SUPT3H: variants seen among roughly 807,000 people sequenced by gnomAD.
SUPT3H encodes the protein SPT3 homolog, SAGA and STAGA complex component.
In SUPT3H, 44 loss-of-function variants were observed where a neutral mutation model predicts 44.3. The observed-to-expected ratio is 0.99, with a 90% CI of 0.78 to 1.28. The LOEUF (loss-of-function observed/expected upper bound fraction) is 1.28, where lower values mean the gene tolerates loss of function less well. Ranked by LOEUF, SUPT3H falls within the 50% of genes most tolerant of loss-of-function variation. The probability of loss-of-function intolerance (pLI) is 0.00; values close to 1 mark genes in which losing one functional copy is unlikely to be tolerated. For missense variants in SUPT3H, 380 were observed against 387.1 expected (o/e 0.98, Z 0.15); for synonymous variants, 124 against 125.6 (o/e 0.99, Z 0.09).
At chr6:45,015,979 TG>T (rs1183658939) in intron 4 of SUPT3H, among the ~76,000 whole-genome samples, 2 of 152,086 alleles carry the variant, frequency 1.3e-5, no homozygotes, top group African/African-American at 4.8e-5. Context: ...CAACCTCAGG[TG>T]GTTCACAGTT....
chr6:45,198,528 T>C (rs145433993), intron 2 of SUPT3H, among the ~76,000 whole-genome samples: 2 of 151,490 alleles, frequency 1.3e-5, no homozygotes, highest in Admixed American at 1.3e-4. Context: ...TCCCAATACA[T>C]TAATTTGCTG....
At chr6:45,232,834 G>A (rs964411699) in intron 2 of SUPT3H, among the ~76,000 whole-genome samples, 15 of 152,138 alleles carry the variant, frequency 9.9e-5, no homozygotes, top group African/African-American at 2.9e-4. Flanking sequence ...CACTGCCAGT[G>A]AGGGTGCCGT....
At chr6:45,127,182 CGT>C (rs1399434997) in intron 2 of SUPT3H, among the ~76,000 whole-genome samples, 2 of 151,992 alleles carry the variant, frequency 1.3e-5, no homozygotes, top group East Asian at 3.9e-4. Context: ...GGTGCAGTGG[CGT>C]GTGTCTGTAA....
intron 3 of SUPT3H, among the ~76,000 whole-genome samples, chr6:45,024,598 T>G (rs2153520322): frequency 6.6e-6 from 1 of 152,352 alleles, no homozygotes; most frequent in East Asian, 1.9e-4. Flanking sequence ...ATTCTACATT[T>G]AGGCTCCAAT....
intron 2 of SUPT3H, among the ~76,000 whole-genome samples, chr6:45,113,470 C>T (rs1249901028): frequency 6.6e-6 from 1 of 152,116 alleles, no homozygotes; most frequent in Non-Finnish European, 1.5e-5. Flanking sequence ...TTTTACCCAC[C>T]TGTTTTCAAA....
intron 2 of SUPT3H, among the ~76,000 whole-genome samples, chr6:45,293,411 G>A (rs1011491348): frequency 6.6e-6 from 1 of 151,926 alleles, no homozygotes; most frequent in African/African-American, 2.4e-5. Flanking sequence ...GACAATCTAA[G>A]GTCACACCTC....
At chr6:44,825,074 G>C (rs1272135562), downstream of SUPT3H, among the ~76,000 whole-genome samples, 2 of 152,228 alleles carry the variant, frequency 1.3e-5, no homozygotes, top group African/African-American at 4.8e-5. Context: ...GCGTGAAACG[G>C]TAGCCTGTAA....
At chr6:45,188,059 A>G (rs539148287) in intron 2 of SUPT3H, among the ~76,000 whole-genome samples, 31 of 152,244 alleles carry the variant, frequency 2.0e-4, no homozygotes, top group Non-Finnish European at 3.8e-4. Context: ...ACACACTTCT[A>G]TAGGCTACCT....
intron 2 of SUPT3H, among the ~76,000 whole-genome samples, chr6:45,207,640 C>T (rs1209589625): frequency 6.6e-6 from 1 of 152,152 alleles, no homozygotes; most frequent in Non-Finnish European, 1.5e-5. Flanking sequence ...TTTGATAATT[C>T]TCACAACATT....
intron 2 of SUPT3H, among the ~76,000 whole-genome samples, chr6:45,247,789 C>T (rs974416868): frequency 2.0e-5 from 3 of 146,342 alleles, no homozygotes; most frequent in African/African-American, 7.5e-5. Context: ...AAAAGAAGAA[C>T]AAAAAGAATT....
In SUPT3H at chr6:45,130,712, C is replaced by CATTTT. The variant is rs1358503809; in HGVS notation, c.102-24707_102-24706insAAAAT. 2.0e-3 allele frequency among the ~76,000 whole-genome samples: 173 copies of CATTTT among 88,600 alleles called. 12 individuals carry two copies. The highest frequency in any genetic ancestry group is 0.019 in the Middle Eastern group (2 of 108). The allele number at this position is 88,600 out of a possible 152,430, so 58.1% of individuals were successfully genotyped here. ...AAAAAAAAAACAAAAAAAAAAACCA[C>CATTTT]TTTTTTTTTTTTTTTTTTTTTTCAG... On this transcript the variant is annotated intron_variant, in intron 2 of 10. Coordinates refer to ENST00000371459, the MANE Select transcript of SUPT3H (RefSeq NM_003599.4).
chr6:45,117,980 G>T (rs1014893388), intron 2 of SUPT3H, among the ~76,000 whole-genome samples: 1 of 151,990 alleles, frequency 6.6e-6, no homozygotes, highest in Non-Finnish European at 1.5e-5. Context: ...TTTTCAGTTT[G>T]TTCTCTAGAA....
intron 2 of SUPT3H, among the ~76,000 whole-genome samples, chr6:45,203,513 C>T (rs1189012747): frequency 6.6e-6 from 1 of 152,218 alleles, no homozygotes; most frequent in Non-Finnish European, 1.5e-5. Context: ...TTTCACTTCT[C>T]CCTCACTTGA....
intron 10 of SUPT3H, among the ~76,000 whole-genome samples, chr6:44,885,432 A>T (rs1162086372): frequency 6.6e-6 from 1 of 152,118 alleles, no homozygotes; most frequent in Non-Finnish European, 1.5e-5. Flanking sequence ...CAGAGGAACG[A>T]TCAGACAGCA....
intron 2 of SUPT3H, among the ~76,000 whole-genome samples, chr6:45,161,706 C>T (rs2153601452): frequency 6.6e-6 from 1 of 152,286 alleles, no homozygotes; most frequent in African/African-American, 2.4e-5. Context: ...TGTCTTGGTG[C>T]TTTAATCACA....
chr6:44,922,361 T>A (rs1285119543), intron 10 of SUPT3H, among the ~76,000 whole-genome samples: 4 of 152,240 alleles, frequency 2.6e-5, no homozygotes, highest in African/African-American at 9.6e-5. Context: ...ATTTCCTATT[T>A]AAAACAATCC....
chr6:45,187,309 G>A (rs1282989625), intron 2 of SUPT3H, among the ~76,000 whole-genome samples: 1 of 151,776 alleles, frequency 6.6e-6, no homozygotes, highest in Non-Finnish European at 1.5e-5. Context: ...CAGCTACTCA[G>A]GAGGCTAAGG....
intron 2 of SUPT3H, among the ~76,000 whole-genome samples, chr6:45,197,119 T>C (rs890080982): frequency 1.3e-5 from 2 of 151,714 alleles, no homozygotes; most frequent in Non-Finnish European, 3.0e-5. Context: ...CATTTTAATA[T>C]TAAAATTGCT....
chr6:45,046,059 C>T (rs1435205162), intron 3 of SUPT3H, among the ~76,000 whole-genome samples: 1 of 152,106 alleles, frequency 6.6e-6, no homozygotes, highest in Non-Finnish European at 1.5e-5. Flanking sequence ...AGGTTTTCTC[C>T]TACACATTTT....
Sources: allele counts gnomAD v4.1 joint callset (sites outside exome capture counted in the v4.1 genomes callset), GRCh38; gene constraint gnomAD v4.1.1; transcripts MANE v1.5; gene names NCBI Gene and HGNC (gene_info 2026-07-23, HGNC 2026-07-21).